FRMD4A: variants seen among roughly 807,000 people sequenced by gnomAD.
FRMD4A encodes the protein FERM domain-containing protein 4A.
In FRMD4A, 29 loss-of-function variants were observed where a neutral mutation model predicts 129.1. The ratio of observed to expected loss-of-function variants is 0.22; its 90% CI spans 0.17 to 0.31. The LOEUF (loss-of-function observed/expected upper bound fraction) is 0.31, where lower values mean the gene tolerates loss of function less well. Among genes scored for constraint, FRMD4A ranks in the 10% least tolerant of loss-of-function variants. The pLI, the probability that FRMD4A is intolerant of heterozygous loss-of-function variation, is 1.00. For synonymous variants in FRMD4A, 634 were observed against 571.6 expected, an observed-to-expected ratio of 1.11 and a Z score of -1.56; for missense variants, 1,272 against 1,375.8, an observed-to-expected ratio of 0.92 and a Z score of 1.19.
At chr10:14,073,316 A>T (rs1337503482) in intron 2 of FRMD4A, among the ~76,000 whole-genome samples, 1 of 152,106 alleles carries the variant, frequency 6.6e-6, no homozygotes, top group Non-Finnish European at 1.5e-5. Context: ...ACAAGGTGAC[A>T]GATGGGATGA....
chr10:13,921,116 T>G (rs2095065797), intron 2 of FRMD4A, among the ~76,000 whole-genome samples: 1 of 152,198 alleles, frequency 6.6e-6, no homozygotes, highest in African/African-American at 2.4e-5. Context: ...TGGTGAGGGC[T>G]CCTCTTTCCC....
At chr10:14,068,773 G>C (rs983170204) in intron 2 of FRMD4A, among the ~76,000 whole-genome samples, 1 of 152,090 alleles carries the variant, frequency 6.6e-6, no homozygotes, top group African/African-American at 2.4e-5. Context: ...GGTTTAATTG[G>C]AGTAGTTTCC....
intron 21 of FRMD4A, among the ~76,000 whole-genome samples, chr10:13,658,897 AAAAG>A (rs1564536138): frequency 6.6e-6 from 1 of 151,790 alleles, no homozygotes; most frequent in Non-Finnish European, 1.5e-5. Flanking sequence ...AAAAAAAAAA[AAAAG>A]AAACAGAAGG....
rs527977853 is a variant in FRMD4A, at chr10:13,756,433, G to A, written c.464+5214C>T. 4.0e-4 allele frequency among the ~76,000 whole-genome samples: 61 copies of A among 152,308 alleles called. No homozygotes were observed. In the South Asian group the frequency reaches 0.012, roughly 30 times the overall value. ...TGCAGTGGTGCAATCTCGGCTCACT[G>A]CAGCGGCAGCCTCTGCCTCCTGGGA... On this transcript the variant is annotated intron_variant, in intron 8 of 24. Transcript: ENST00000357447.
chr10:13,774,419 G>A (rs952335732), intron 6 of FRMD4A, among the ~76,000 whole-genome samples: 1 of 152,150 alleles, frequency 6.6e-6, no homozygotes. Context: ...GAGATGAGAG[G>A]TTCGTTCTCT....
intron 2 of FRMD4A, among the ~76,000 whole-genome samples, chr10:13,996,516 G>C (rs2095623048): frequency 6.6e-6 from 1 of 152,204 alleles, no homozygotes; most frequent in African/African-American, 2.4e-5. Flanking sequence ...TGTACCACTT[G>C]TCTGCTTCTT....
At chr10:13,717,713 A>AGGG (rs2088972378) in intron 12 of FRMD4A, among the ~76,000 whole-genome samples, 1 of 65,738 alleles carries the variant, frequency 1.5e-5, no homozygotes, top group African/African-American at 6.8e-5. Flanking sequence ...TTTTTTTTCC[A>AGGG]GGGGTGGCGG....
intron 2 of FRMD4A, among the ~76,000 whole-genome samples, chr10:14,070,927 G>T (rs1835287731): frequency 6.6e-6 from 1 of 152,230 alleles, no homozygotes; most frequent in Non-Finnish European, 1.5e-5. Flanking sequence ...AAGATTCAAA[G>T]ATTTCAGGAC....
Position 14,310,461 on chromosome 10 carries a change from G to A in FRMD4A, c.45+19597C>T, listed in dbSNP as rs534998637. On this transcript the variant is annotated intron_variant, in intron 2 of 24. Coordinates refer to ENST00000357447, the MANE Select transcript of FRMD4A (RefSeq NM_018027.5). Reference sequence around the variant, plus strand: ...AAAGAGCAGCCTGAAAAATTGAGCTGCAAACATAGATAAGCAAGCTGAAAG... The same window carrying A: ...AAAGAGCAGCCTGAAAAATTGAGCTACAAACATAGATAAGCAAGCTGAAAG... 2.0e-5 allele frequency among the ~76,000 whole-genome samples: 3 copies of A among 152,314 alleles called. No individual in the cohort carries two copies. The South Asian group carries it at 6.2e-4, about 32-fold the overall frequency.
At chr10:14,154,316 T>C (rs1475326761) in intron 2 of FRMD4A, among the ~76,000 whole-genome samples, 1 of 152,088 alleles carries the variant, frequency 6.6e-6, no homozygotes, top group Non-Finnish European at 1.5e-5. Context: ...GCATTGCAAA[T>C]CTGTCTGTTT....
chr10:13,802,285 T>C (rs2093272440), intron 4 of FRMD4A, among the ~76,000 whole-genome samples: 1 of 152,184 alleles, frequency 6.6e-6, no homozygotes, highest in Non-Finnish European at 1.5e-5. Flanking sequence ...AGAGCTTTGT[T>C]TATAGTTACT....
rs11258499 is a variant in FRMD4A at position 13,651,883 on chromosome 10, C to A, written c.*2+20G>T. On this transcript the variant is annotated intron_variant, in intron 24 of 24. Coordinates refer to ENST00000357447, the MANE Select transcript of FRMD4A (RefSeq NM_018027.5). Reference sequence around the variant, plus strand: ...ACCACAGACTCATGGGCAGTAGGAACAAAACTCCCCTTACGGTACCTCTAT... The same window carrying A: ...ACCACAGACTCATGGGCAGTAGGAAAAAAACTCCCCTTACGGTACCTCTAT... 18 of 1,345,192 alleles carry A rather than the reference C, an allele frequency of 1.3e-5. No homozygotes were observed. The highest frequency in any genetic ancestry group is 1.9e-5 in the Non-Finnish European group (18 of 934,012). 83.3% of individuals were successfully genotyped at this position (1,345,192 alleles called of 1,614,324 possible).
intron 3 of FRMD4A, among the ~76,000 whole-genome samples, chr10:13,820,622 G>A (rs1042713384): frequency 5.9e-5 from 9 of 152,030 alleles, no homozygotes; most frequent in Non-Finnish European, 1.0e-4. Flanking sequence ...GAGGAACCAC[G>A]GTCTCCTCTG....
At chr10:13,982,456 C>T (rs1474738161) in intron 2 of FRMD4A, among the ~76,000 whole-genome samples, 5 of 109,760 alleles carry the variant, frequency 4.6e-5, no homozygotes, top group Non-Finnish European at 1.7e-5. Context: ...GTACTTCAGC[C>T]TGAGAAGGGA....
chr10:13,881,991 GT>G (rs372225433), intron 2 of FRMD4A, among the ~76,000 whole-genome samples: 136,576 of 147,002 alleles, frequency 0.93, 63,087 homozygotes, highest in Non-Finnish European at 0.98. Flanking sequence ...AGAGGCAAGG[GT>G]GTGTGTGTGT....
chr10:14,205,572 C>T (rs993389981), intron 2 of FRMD4A, among the ~76,000 whole-genome samples: 1 of 152,040 alleles, frequency 6.6e-6, no homozygotes, highest in Non-Finnish European at 1.5e-5. Context: ...TTTGGGAGGC[C>T]GAGGTGGGTG....
At chr10:14,123,375 G>A (rs1462210695) in intron 2 of FRMD4A, among the ~76,000 whole-genome samples, 1 of 152,194 alleles carries the variant, frequency 6.6e-6, no homozygotes, top group East Asian at 1.9e-4. Context: ...GTTTCTGGAT[G>A]AAGTTTTCAG....
intron 3 of FRMD4A, among the ~76,000 whole-genome samples, chr10:13,832,377 G>A (rs1382366410): frequency 6.6e-6 from 1 of 152,130 alleles, no homozygotes; most frequent in African/African-American, 2.4e-5. Context: ...AGAGGTTTCA[G>A]AACAGGAAGC....
intron 2 of FRMD4A, among the ~76,000 whole-genome samples, chr10:14,015,116 C>A (rs1268499358): frequency 1.6e-5 from 2 of 124,006 alleles, no homozygotes; most frequent in Non-Finnish European, 3.4e-5. Flanking sequence ...TCCTTTCATC[C>A]TTTCTTCTCT....
Sources: allele counts gnomAD v4.1 joint callset (sites outside exome capture counted in the v4.1 genomes callset), GRCh38; gene constraint gnomAD v4.1.1; transcripts MANE v1.5; gene names NCBI Gene and HGNC (gene_info 2026-07-23, HGNC 2026-07-21).